The following GALNTL6 variants were observed in gnomAD, a reference collection of about 807,000 sequenced individuals.
GALNTL6 encodes the protein polypeptide N-acetylgalactosaminyltransferase like 6.
In GALNTL6, 46 loss-of-function variants were observed where a neutral mutation model predicts 73.7. The ratio of observed to expected loss-of-function variants is 0.62; its 90% CI spans 0.49 to 0.80. The LOEUF (loss-of-function observed/expected upper bound fraction) is 0.80. Ranked by LOEUF, GALNTL6 falls within the 30% of genes least tolerant of loss-of-function variation. The pLI is 0.00. For missense variants in GALNTL6, 604 were observed against 755.0 expected, an observed-to-expected ratio of 0.80 and a Z score of 2.34; for synonymous variants, 259 against 263.7, an observed-to-expected ratio of 0.98 and a Z score of 0.17.
At chr4:172,298,496 C>T (rs12651697) in intron 3 of GALNTL6, among the ~76,000 whole-genome samples, 146,715 of 152,240 alleles carry the variant, frequency 0.96, 70,927 homozygotes, top group East Asian at 1. Context: ...GGGTTTGTCA[C>T]AAATAGCTCT....
chr4:172,705,915 T>G (rs555821176), intron 5 of GALNTL6, among the ~76,000 whole-genome samples: 42 of 152,278 alleles, frequency 2.8e-4, no homozygotes, highest in Non-Finnish European at 4.3e-4. Flanking sequence ...GTCCTTGAAC[T>G]TTGAGAGTTT....
At chr4:172,101,699 TTTTAA>T (rs1330387464) in intron 2 of GALNTL6, among the ~76,000 whole-genome samples, 2 of 152,110 alleles carry the variant, frequency 1.3e-5, no homozygotes, top group African/African-American at 2.4e-5. Context: ...TATTTTGAGA[TTTTAA>T]TTTATTTTAA....
At chr4:172,264,320 T>A (rs1047846100) in intron 3 of GALNTL6, among the ~76,000 whole-genome samples, 12 of 151,160 alleles carry the variant, frequency 7.9e-5, no homozygotes, top group African/African-American at 2.9e-4. Context: ...TCTCATATGC[T>A]GTTTAAAACT....
intron 2 of GALNTL6, among the ~76,000 whole-genome samples, chr4:171,924,419 T>C (rs2110985114): frequency 6.6e-6 from 1 of 152,224 alleles, no homozygotes; most frequent in Non-Finnish European, 1.5e-5. Context: ...AAAAACTTTG[T>C]GGTGGGAGAG....
At chr4:172,213,820 T>G (rs1355915733) in intron 2 of GALNTL6, among the ~76,000 whole-genome samples, 1 of 152,196 alleles carries the variant, frequency 6.6e-6, no homozygotes, top group Admixed American at 6.5e-5. Flanking sequence ...CATAGCAATA[T>G]TTTCTTTTAT....
chr4:172,697,393 T>C (rs1733761641), intron 5 of GALNTL6, among the ~76,000 whole-genome samples: 1 of 152,190 alleles, frequency 6.6e-6, no homozygotes, highest in Non-Finnish European at 1.5e-5. Flanking sequence ...GAGATCTTGA[T>C]CCTCTAAGTA....
intron 2 of GALNTL6, among the ~76,000 whole-genome samples, chr4:171,999,671 C>A (rs1740611230): frequency 6.6e-6 from 1 of 152,100 alleles, no homozygotes; most frequent in African/African-American, 2.4e-5. Context: ...ACTACAATTT[C>A]TGACAACATT....
At chr4:172,251,905 TAA>T (rs928287546) in intron 3 of GALNTL6, among the ~76,000 whole-genome samples, 15 of 151,986 alleles carry the variant, frequency 9.9e-5, no homozygotes, top group African/African-American at 3.4e-4. Context: ...AATGAAACTA[TAA>T]AAAAAGACTC....
At chr4:172,062,906 G>A (rs1300586082) in intron 2 of GALNTL6, among the ~76,000 whole-genome samples, 2 of 152,154 alleles carry the variant, frequency 1.3e-5, no homozygotes, top group Non-Finnish European at 2.9e-5. Context: ...TGCTACCTGG[G>A]AGAAAAGCAA....
chr4:172,748,469 A>T (rs143544624), intron 5 of GALNTL6, among the ~76,000 whole-genome samples: 124 of 150,666 alleles, frequency 8.2e-4, no homozygotes, highest in African/African-American at 2.5e-3. Flanking sequence ...TCAAGAATAT[A>T]TTTTTTTTTT....
chr4:172,748,492 T>C (rs867545885), intron 5 of GALNTL6, among the ~76,000 whole-genome samples: 3 of 151,964 alleles, frequency 2.0e-5, no homozygotes, highest in Non-Finnish European at 4.4e-5. Context: ...CTCATCAACA[T>C]TATAATGAAA....
rs537831689 is a variant in GALNTL6, at chr4:172,915,939, A to G, written c.1042-15222A>G. Among the ~76,000 whole-genome samples, 6 of 152,290 alleles carry G rather than the reference A, an allele frequency of 3.9e-5. 1 individual carries two copies. In the South Asian group the frequency reaches 1.2e-3, roughly 32 times the overall value. ...GATACCAAAGACTGGCAGAGACACA[A>G]CAAAAAAAGAGAATTATAGGCCAAT... On this transcript the variant is annotated intron_variant, in intron 8 of 12. Transcript: ENST00000506823.
At chr4:172,501,752 G>A (rs1734269243) in intron 5 of GALNTL6, among the ~76,000 whole-genome samples, 1 of 152,098 alleles carries the variant, frequency 6.6e-6, no homozygotes, top group African/African-American at 2.4e-5. Context: ...TAATAAGATA[G>A]AGTTGCCTTA....
intron 2 of GALNTL6, among the ~76,000 whole-genome samples, chr4:171,989,984 G>C (rs1285788840): frequency 1.3e-5 from 2 of 152,118 alleles, no homozygotes; most frequent in African/African-American, 2.4e-5. Context: ...TGGGCAGGTG[G>C]GGGAGGGCTA....
At chr4:172,704,416 CA>C (rs1254572737) in intron 5 of GALNTL6, among the ~76,000 whole-genome samples, 1 of 151,762 alleles carries the variant, frequency 6.6e-6, no homozygotes, top group Non-Finnish European at 1.5e-5. Context: ...GGTTTCAAAA[CA>C]TTTTTTTTAA....
At chr4:171,966,533 C>A (rs1175156368) in intron 2 of GALNTL6, among the ~76,000 whole-genome samples, 1 of 152,096 alleles carries the variant, frequency 6.6e-6, no homozygotes, top group Non-Finnish European at 1.5e-5. Flanking sequence ...ACTCCAACAT[C>A]TGGAATGTAA....
rs184064117 is a variant in GALNTL6, at chr4:172,961,904, G to A, written c.1371+9646G>A. ...TCTGAGTCATGGCACCAAATTTCAC[G>A]CATGTCTGTGTGAAGAGACCACCAA... On this transcript the variant is annotated intron_variant, in intron 10 of 12. Coordinates refer to ENST00000506823, the MANE Select transcript of GALNTL6 (RefSeq NM_001034845.3). Among the ~76,000 whole-genome samples, 13 of 152,330 alleles carry A rather than the reference G, an allele frequency of 8.5e-5. No homozygotes were observed. In the East Asian group the frequency reaches 1.7e-3, roughly 20 times the overall value.
chr4:172,495,813 C>G (rs1734054447), intron 5 of GALNTL6, among the ~76,000 whole-genome samples: 1 of 152,102 alleles, frequency 6.6e-6, no homozygotes, highest in African/African-American at 2.4e-5. Flanking sequence ...CTGCAAACCA[C>G]ATTTTGAGTA....
At chr4:171,878,319 A>C (rs1339298723) in intron 2 of GALNTL6, among the ~76,000 whole-genome samples, 2 of 152,236 alleles carry the variant, frequency 1.3e-5, no homozygotes, top group African/African-American at 4.8e-5. Flanking sequence ...TTGTGTAATG[A>C]GGCTTTATTC....
Sources: allele counts gnomAD v4.1 joint callset (sites outside exome capture counted in the v4.1 genomes callset), GRCh38; gene constraint gnomAD v4.1.1; transcripts MANE v1.5; gene names NCBI Gene and HGNC (gene_info 2026-07-23, HGNC 2026-07-21).